Variants in MORC1 observed in about 807,000 individuals in gnomAD.
MORC1 encodes the protein MORC family CW-type zinc finger 1, also known as MORC family CW-type zinc finger protein 1.
MORC1 carries 59 observed loss-of-function variants against 134.9 expected under a neutral mutation model. The observed-to-expected ratio is 0.44, with a 90% CI of 0.35 to 0.54. The LOEUF (loss-of-function observed/expected upper bound fraction) is 0.54, where lower values mean the gene tolerates loss of function less well. MORC1 is among the 20% of genes least tolerant of loss of function. The pLI, the probability that MORC1 is intolerant of heterozygous loss-of-function variation, is 0.00. For missense variants in MORC1, 947 were observed against 1,134.5 expected (o/e 0.83, Z 2.37); for synonymous variants, 395 against 391.7 (o/e 1.01, Z -0.10).
At chr3:109,087,220 T>C (rs951326491) in intron 8 of MORC1, among the ~76,000 whole-genome samples, 9 of 151,700 alleles carry the variant, frequency 5.9e-5, no homozygotes, top group Admixed American at 2.0e-4. Context: ...AAGAAAACTA[T>C]TGCTTGGCAA....
intron 27 of MORC1, among the ~76,000 whole-genome samples, chr3:108,960,427 C>T (rs1418677740): frequency 6.6e-6 from 1 of 152,152 alleles, no homozygotes; most frequent in Non-Finnish European, 1.5e-5. Flanking sequence ...GGAGATGAAA[C>T]ATGGCTTTGC....
chr3:108,984,992 T>C (rs758658718), intron 22 of MORC1, among the ~76,000 whole-genome samples: 5 of 152,228 alleles, frequency 3.3e-5, no homozygotes, highest in East Asian at 1.9e-4. Context: ...GTAGTATATA[T>C]AGTTATCCAA....
chr3:109,037,979 A>T (rs1297638910), intron 14 of MORC1, among the ~76,000 whole-genome samples: 1 of 152,188 alleles, frequency 6.6e-6, no homozygotes. Flanking sequence ...TGCTGGGTCA[A>T]ATGGTATTTC....
intron 21 of MORC1, 65 bp downstream of exon 21, chr3:109,000,492 A>G: frequency 8.3e-7 from 1 of 1,209,516 alleles, no homozygotes; most frequent in Non-Finnish European, 1.2e-6. Context: ...AGACACTAAC[A>G]GATCCCTCTA....
intron 8 of MORC1, among the ~76,000 whole-genome samples, chr3:109,071,415 T>C (rs1431234298): frequency 6.6e-6 from 1 of 152,122 alleles, no homozygotes; most frequent in Non-Finnish European, 1.5e-5. Context: ...AGTAACTAGT[T>C]ATAGGTAAAT....
chr3:108,978,728 G>T (rs35285308), intron 24 of MORC1, among the ~76,000 whole-genome samples: 3,796 of 152,166 alleles, frequency 0.025, 77 homozygotes, highest in Middle Eastern at 0.11. Flanking sequence ...AATCACTGAC[G>T]AAAAAATCAA....
At chr3:108,996,376 C>G (rs1948227930) in intron 21 of MORC1, among the ~76,000 whole-genome samples, 1 of 152,014 alleles carries the variant, frequency 6.6e-6, no homozygotes, top group Admixed American at 6.5e-5. Flanking sequence ...CCTAGTTACC[C>G]TAAAATGGTG....
At chr3:109,072,964 CAT>C (rs771275228) in intron 8 of MORC1, among the ~76,000 whole-genome samples, 439 of 15,084 alleles carry the variant, frequency 0.029, 3 homozygotes, top group African/African-American at 0.041. Flanking sequence ...CACACACACA[CAT>C]ACACACACAC....
rs1950768333 is a variant in MORC1 at position 109,093,497 on chromosome 3, C to T, written c.628G>A (p.Glu210Lys). ...TCAGTTTTAACATCCAACTCTGGTTCTCCATTAAGCAGAAGCTTCAAGTTA... is the reference window on the plus strand; with the variant it reads ...TCAGTTTTAACATCCAACTCTGGTTTTCCATTAAGCAGAAGCTTCAAGTTA... ...IYNLKLLLNG[E>K]PELDVKTDKE... Residue 210 changes from glutamate to lysine, a missense_variant, in exon 8 of 28, where the codon GAA (glutamate) becomes AAA (lysine). Glu to Lys is a moderately conservative substitution (Grantham distance 56). This residue lies in a region of MORC1 where 214 missense variants were observed against 281.3 expected (regional missense o/e 0.76). Transcript: ENST00000232603. The T allele has an allele frequency of 6.2e-7, 1 of 1,613,844 alleles. No homozygotes were observed. The highest frequency in any genetic ancestry group is 8.5e-7 in the Non-Finnish European group (1 of 1,179,790).
intron 17 of MORC1, 29 bp downstream of exon 17, chr3:109,027,722 G>A: frequency 6.2e-7 from 1 of 1,613,366 alleles, no homozygotes; most frequent in Non-Finnish European, 8.5e-7. Flanking sequence ...AGTCACAGTA[G>A]AATTAGGGAG....
rs35276036 is a variant in MORC1, at chr3:109,000,589, C to G, written c.2155G>C (p.Asp719His). The G allele has an allele frequency of 3.3e-3, 5,285 of 1,610,362 alleles. 29 individuals are homozygous for G. The Middle Eastern group carries it at 0.041, about 12-fold the overall frequency. ...FVEECKVLTEDENTSDSDIIL... is the reference protein window; with the variant it reads ...FVEECKVLTEHENTSDSDIIL... Reference sequence around the variant, plus strand: ...ATATCTGAATCACTCGTGTTCTCATCTTCAGTCAATACCTTACATTCCTCT... The same window carrying G: ...ATATCTGAATCACTCGTGTTCTCATGTTCAGTCAATACCTTACATTCCTCT... Residue 719 changes from aspartate to histidine, a missense_variant, in exon 21 of 28, where the codon GAT becomes CAT. This residue lies in a region of MORC1 where 722 missense variants were observed against 817.0 expected (regional missense o/e 0.88). Coordinates refer to ENST00000232603, the MANE Select transcript of MORC1 (RefSeq NM_014429.4).
chr3:109,092,551 T>C (rs970647888), intron 8 of MORC1, among the ~76,000 whole-genome samples: 5 of 152,130 alleles, frequency 3.3e-5, no homozygotes, highest in Non-Finnish European at 7.4e-5. Flanking sequence ...ACACACTGGA[T>C]TCAAAGACTT....
At chr3:108,966,284 C>T (rs1021827133) in intron 26 of MORC1, among the ~76,000 whole-genome samples, 1 of 152,152 alleles carries the variant, frequency 6.6e-6, no homozygotes, top group African/African-American at 2.4e-5. Context: ...TAATTTTCTA[C>T]CTTGAATTCA....
At chr3:108,996,346 A>T (rs1948226616) in intron 21 of MORC1, among the ~76,000 whole-genome samples, 2 of 151,130 alleles carry the variant, frequency 1.3e-5, no homozygotes, top group African/African-American at 4.9e-5. Flanking sequence ...ATAGGGTCAG[A>T]GATAATAAAT....
chr3:109,078,350 A>G (rs1378186291), intron 8 of MORC1, among the ~76,000 whole-genome samples: 1 of 152,050 alleles, frequency 6.6e-6, no homozygotes, highest in African/African-American at 2.4e-5. Flanking sequence ...AGATTCTCTG[A>G]CCACCATACA....
At chr3:109,057,238 A>T (rs894463398) in intron 13 of MORC1, 105 bp downstream of exon 13, 8 of 1,188,282 alleles carry the variant, frequency 6.7e-6, no homozygotes, top group Admixed American at 2.6e-5. Flanking sequence ...AGAGACTATG[A>T]CACTTGCTCC....
rs545969701 is a variant in MORC1, at chr3:109,081,689, G to A, written c.689+11747C>T. ...AGGCTGGTCTCGAACTCCTGACCTC[G>A]TGATCTGCCTGCCTCGGCCTCCCAA... is the stretch of plus-strand genomic sequence containing the variant. On this transcript the variant is annotated intron_variant, in intron 8 of 27. Transcript: ENST00000232603. Among the ~76,000 whole-genome samples the A allele has an allele frequency of 8.1e-4, 124 of 152,152 alleles. 3 individuals are homozygous for A. The highest frequency in any genetic ancestry group is 2.8e-3 in the African/African-American group (118 of 41,524).
intron 23 of MORC1, among the ~76,000 whole-genome samples, chr3:108,984,316 A>G (rs949295322): frequency 6.6e-6 from 1 of 152,218 alleles, no homozygotes; most frequent in Non-Finnish European, 1.5e-5. Flanking sequence ...TGTCAAAAAA[A>G]TTCTAGCACA....
chr3:109,068,714 A>C (rs1418639870), intron 9 of MORC1, among the ~76,000 whole-genome samples: 1 of 152,236 alleles, frequency 6.6e-6, no homozygotes. Flanking sequence ...CTTTTCCTCT[A>C]ATCTCAAACT....
Sources: allele counts gnomAD v4.1 joint callset (sites outside exome capture counted in the v4.1 genomes callset), GRCh38; gene constraint gnomAD v4.1.1; regional missense constraint gnomAD v4.1.1; transcripts MANE v1.5; gene names NCBI Gene and HGNC (gene_info 2026-07-23, HGNC 2026-07-21).